C10orf53: variants seen among roughly 807,000 people sequenced by gnomAD.
C10orf53 encodes the protein chromosome 10 open reading frame 53, also known as UPF0728 protein C10orf53.
A neutral mutation model predicts 9.4 loss-of-function variants in C10orf53; 8 were observed. That is an observed-to-expected ratio of 0.85 (90% CI 0.50 to 1.53). The LOEUF is 1.53. Among genes scored for constraint, C10orf53 ranks in the 40% most tolerant of loss-of-function variants. The pLI, the probability that C10orf53 is intolerant of heterozygous loss-of-function variation, is 0.00. For missense variants in C10orf53, 117 were observed against 117.8 expected (o/e 0.99, Z 0.03); for synonymous variants, 48 against 46.0 (o/e 1.04, Z -0.18).
At chr10:49,704,111 T>C (rs964704649) in intron 2 of C10orf53, among the ~76,000 whole-genome samples, 1 of 152,050 alleles carries the variant, frequency 6.6e-6, no homozygotes, top group Non-Finnish European at 1.5e-5. Context: ...TTTCATAAAC[T>C]TGGAAGAAAG....
intron 2 of C10orf53, among the ~76,000 whole-genome samples, chr10:49,706,661 T>C (rs144257640): frequency 1.3e-5 from 2 of 152,282 alleles, no homozygotes; most frequent in African/African-American, 4.8e-5. Flanking sequence ...AGTGATGGGG[T>C]TGTACAAGTT....
At chr10:49,690,948 A>G (rs1227571340) in intron 1 of C10orf53, among the ~76,000 whole-genome samples, 1 of 152,178 alleles carries the variant, frequency 6.6e-6, no homozygotes, top group East Asian at 1.9e-4. Context: ...GCAAGGAGGG[A>G]GCCTTTTCCA....
At chr10:49,679,924 G>A in intron 1 of C10orf53, 130 bp downstream of exon 1, 2 of 849,920 alleles carry the variant, frequency 2.4e-6, no homozygotes, top group Non-Finnish European at 3.4e-6. Flanking sequence ...TCCCCAGGAT[G>A]ATGTTGCAAC....
chr10:49,706,654 G>T (rs879805087), intron 2 of C10orf53, among the ~76,000 whole-genome samples: 6 of 152,080 alleles, frequency 3.9e-5, no homozygotes, highest in Admixed American at 3.9e-4. Context: ...TGATTGTAGT[G>T]ATGGGGTTGT....
chr10:49,692,015 T>G (rs926079803), intron 1 of C10orf53, among the ~76,000 whole-genome samples: 1 of 152,228 alleles, frequency 6.6e-6, no homozygotes, highest in Non-Finnish European at 1.5e-5. Flanking sequence ...TTCAGACAAA[T>G]GCAGCTCCGC....
chr10:49,688,259 G>A (rs1213121183), intron 1 of C10orf53, among the ~76,000 whole-genome samples: 5 of 151,590 alleles, frequency 3.3e-5, no homozygotes, highest in Non-Finnish European at 7.4e-5. Flanking sequence ...ACACCCTGCA[G>A]GCACCTCTCA....
At chr10:49,693,985 G>T (rs1590644232) in intron 2 of C10orf53, 92 bp downstream of exon 2, 1 of 1,560,962 alleles carries the variant, frequency 6.4e-7, no homozygotes, top group Non-Finnish European at 8.8e-7. Context: ...ATCATGCCTG[G>T]ATTCAAATTG....
In C10orf53 at chr10:49,690,905, A is replaced by C. The variant is rs192977546; in HGVS notation, c.98-2869A>C. Among the ~76,000 whole-genome samples the C allele has an allele frequency of 4.9e-4, 75 of 152,254 alleles. 1 individual carries two copies. The East Asian group carries it at 0.014, about 29-fold the overall frequency. ...CTTCCTGACCAGCGGCATTTAAATC[A>C]TTCGCAGATGCTGTGCAGTTCCACC... On this transcript the variant is annotated intron_variant, in intron 1 of 2. Transcript: ENST00000374111.
intron 2 of C10orf53, among the ~76,000 whole-genome samples, chr10:49,704,482 T>A (rs1840708791): frequency 6.6e-6 from 1 of 152,222 alleles, no homozygotes; most frequent in African/African-American, 2.4e-5. Context: ...AGCTCACACC[T>A]GTAATCCCAG....
At chr10:49,700,819 GC>G (rs1412421670), downstream of C10orf53, among the ~76,000 whole-genome samples, 1 of 152,156 alleles carries the variant, frequency 6.6e-6, no homozygotes, top group Non-Finnish European at 1.5e-5. Flanking sequence ...GACTCCCAGA[GC>G]CCAGAACTAT....
At chr10:49,698,000 C>T (rs1314746348), downstream of C10orf53, among the ~76,000 whole-genome samples, 2 of 152,174 alleles carry the variant, frequency 1.3e-5, no homozygotes, top group Non-Finnish European at 2.9e-5. Flanking sequence ...CCCTTAAAAT[C>T]TGATGATTGG....
At chr10:49,703,688 A>G (rs1014356346) in intron 2 of C10orf53, among the ~76,000 whole-genome samples, 1 of 152,084 alleles carries the variant, frequency 6.6e-6, no homozygotes, top group Non-Finnish European at 1.5e-5. Context: ...ACATTTCTAG[A>G]CCGTCCTAAA....
intron 1 of C10orf53, among the ~76,000 whole-genome samples, chr10:49,683,275 G>A (rs1840497123): frequency 6.6e-6 from 1 of 152,164 alleles, no homozygotes; most frequent in African/African-American, 2.4e-5. Context: ...CCTAATGATT[G>A]GTGATGTTGA....
chr10:49,686,703 G>A (rs922439204), intron 1 of C10orf53, among the ~76,000 whole-genome samples: 3 of 152,196 alleles, frequency 2.0e-5, no homozygotes, highest in Non-Finnish European at 4.4e-5. Context: ...AGGCTTACTA[G>A]GATTGAGAAA....
intron 1 of C10orf53, among the ~76,000 whole-genome samples, chr10:49,691,834 C>T (rs545728566): frequency 6.6e-6 from 1 of 152,354 alleles, no homozygotes; most frequent in South Asian, 2.1e-4. Context: ...ACAGTCCATG[C>T]ACCCTCACTC....
downstream of C10orf53, among the ~76,000 whole-genome samples, chr10:49,701,450 A>G (rs1392260269): frequency 6.6e-6 from 1 of 152,152 alleles, no homozygotes; most frequent in East Asian, 1.9e-4. Context: ...CTGAGTTGCT[A>G]TAACTATTGT....
intron 2 of C10orf53, 26 bp downstream of exon 2, chr10:49,693,919 C>T: frequency 6.2e-7 from 1 of 1,614,130 alleles, no homozygotes; most frequent in Non-Finnish European, 8.5e-7. Flanking sequence ...ATGCTTCCAG[C>T]CAGCAATTTG....
chr10:49,693,828 A>G lies in C10orf53; in HGVS notation c.152A>G (p.Asn51Ser). ...ATCCTAGAGAAGATAGAAGACTGGA[A>G]TGTGGTGGAACTCATGGTGAATGAA... ...EVILEKIEDW[N>S]VVELMVNEEV... Residue 51 changes from asparagine to serine, a missense_variant, in exon 2 of 3, where the codon AAT becomes AGT. Physicochemically the swap from Asn to Ser is conservative, Grantham distance 46. Coordinates refer to ENST00000374111, the MANE Select transcript of C10orf53 (RefSeq NM_001042427.3). 1 of 1,613,988 alleles carries G rather than the reference A, an allele frequency of 6.2e-7. No individual in the cohort carries two copies. Among genetic ancestry groups the G allele is most frequent in the Non-Finnish European group, 8.5e-7 (1 of 1,179,800 alleles).
chr10:49,693,701 T>C, intron 1 of C10orf53, 73 bp from the exon 2 acceptor site: 1 of 1,509,920 alleles, frequency 6.6e-7, no homozygotes, highest in East Asian at 2.3e-5. Flanking sequence ...ACTGTCATCA[T>C]GAGGACTGCT....
Sources: allele counts gnomAD v4.1 joint callset (sites outside exome capture counted in the v4.1 genomes callset), GRCh38; gene constraint gnomAD v4.1.1; transcripts MANE v1.5; gene names NCBI Gene and HGNC (gene_info 2026-07-23, HGNC 2026-07-21).